Variants in ZDHHC24 observed in about 807,000 individuals in gnomAD.
The protein encoded by ZDHHC24 is probable palmitoyltransferase ZDHHC24.
ZDHHC24 carries 17 observed loss-of-function variants against 23.2 expected under a neutral mutation model. The observed-to-expected ratio is 0.73, with a 90% confidence interval of 0.50 to 1.10. ZDHHC24 has a LOEUF of 1.10. Ranked by LOEUF, ZDHHC24 falls within the 50% of genes least tolerant of loss-of-function variation. ZDHHC24 has a pLI of 0.00. For synonymous variants in ZDHHC24, 186 were observed against 194.5 expected (o/e 0.96, Z 0.36); for missense variants, 366 against 393.0 (o/e 0.93, Z 0.58).
intron 4 of ZDHHC24, chr11:66,521,743 TA>T: frequency 3.2e-6 from 1 of 314,678 alleles, no homozygotes; most frequent in South Asian, 2.9e-5. Flanking sequence ...CCGTCTCTAC[TA>T]AAAATACAAA....
rs1292046229 is a variant in ZDHHC24 at position 66,539,673 on chromosome 11, A to G, written c.711T>C (p.Tyr237=). Residue 237 remains tyrosine (Y), a synonymous_variant, in exon 3 of 3, where the codon TAT becomes TAC. Transcript: ENST00000310442. ...TWEWARGQHS[Y]DLGPCHNLQA... ...GCAGGTTGTGGCAGGGACCCAGGTC[A>G]TAGGAGTGCTGGCCCCGAGCCCACT... The G allele has an allele frequency of 2.1e-5, 34 of 1,611,160 alleles. No homozygotes were observed. The Admixed American group carries it at 4.5e-4, about 21-fold the overall frequency.
chr11:66,543,860 T>A lies in ZDHHC24; in HGVS notation c.403A>T (p.Asn135Tyr). Reference protein sequence around the residue: ...RLLGRCVGFGNYRPFLCLLLH... With the variant: ...RLLGRCVGFGYYRPFLCLLLH... ...AGCAGGCACAGGAAGGGCCGGTAGTTGCCGAAGCCCACGCAGCGGCCCAGC... is the reference window on the plus strand; with the variant it reads ...AGCAGGCACAGGAAGGGCCGGTAGTAGCCGAAGCCCACGCAGCGGCCCAGC... The change falls in exon 2 of 3, where the codon AAC becomes TAC. Residue 135 changes from asparagine (N) to tyrosine (Y), a missense_variant. Physicochemically the swap from Asn to Tyr is moderately radical, Grantham distance 143. Coordinates refer to ENST00000310442, the MANE Select transcript of ZDHHC24 (RefSeq NM_207340.3). 1.9e-6 allele frequency: 3 copies of A among 1,613,846 alleles called. No individual in the cohort carries two copies. Among genetic ancestry groups the A allele is most frequent in the Middle Eastern group, 1.7e-4 (1 of 6,060 alleles).
At chr11:66,531,139 A>G (rs546886266), downstream of ZDHHC24, 1 of 1,462,846 alleles carries the variant, frequency 6.8e-7, no homozygotes, top group Non-Finnish European at 9.3e-7. Context: ...GGTGGCTGCC[A>G]GGTGGCCAGC....
chr11:66,532,168 C>A, downstream of ZDHHC24: 1 of 956,816 alleles, frequency 1.0e-6, no homozygotes, highest in Non-Finnish European at 1.6e-6. Flanking sequence ...TAAGCACCCG[C>A]TTCCTCACCA....
Position 66,539,652 on chromosome 11 carries a change from G to T in ZDHHC24, c.732C>A (p.Asn244Lys), listed in dbSNP as rs1857088452. 2.5e-6 allele frequency: 4 copies of T among 1,612,298 alleles called. No individual in the cohort carries two copies. Among genetic ancestry groups the T allele is most frequent in the African/African-American group, 1.3e-5 (1 of 74,938 alleles). ...QHSYDLGPCH[N>K]LQAALGPRWA... ...AGCGGGGCCCCAGGGCTGCCTGCAGGTTGTGGCAGGGACCCAGGTCATAGG... is the reference window on the plus strand; with the variant it reads ...AGCGGGGCCCCAGGGCTGCCTGCAGTTTGTGGCAGGGACCCAGGTCATAGG... Residue 244 changes from asparagine to lysine, a missense_variant, in exon 3 of 3, where the codon AAC (asparagine) becomes AAA (lysine). By Grantham distance (94) the Asn-to-Lys change is moderately conservative (BLOSUM62 0). Transcript: ENST00000310442.
At chr11:66,532,513 A>C (rs1310229502), downstream of ZDHHC24, 2 of 164,906 alleles carry the variant, frequency 1.2e-5, no homozygotes, top group African/African-American at 4.8e-5. Context: ...GGAGTTCCGG[A>C]GGCTGGGCTG....
At chr11:66,531,339 A>G (rs1336919725), downstream of ZDHHC24, among the ~76,000 whole-genome samples, 1 of 152,154 alleles carries the variant, frequency 6.6e-6, no homozygotes, top group East Asian at 1.9e-4. Flanking sequence ...GGGACCCCAG[A>G]GTGTGAAGGG....
At chr11:66,531,162 C>T (rs146349114), downstream of ZDHHC24, 2,095 of 1,255,180 alleles carry the variant, frequency 1.7e-3, 10 homozygotes, top group Non-Finnish European at 1.7e-3. Context: ...ACCTACTCTC[C>T]CACCACAGAC....
At chr11:66,541,569 G>A (rs116966964) in intron 2 of ZDHHC24, among the ~76,000 whole-genome samples, 2,544 of 152,172 alleles carry the variant, frequency 0.017, 61 homozygotes, top group Non-Finnish European at 0.021. Flanking sequence ...GACTGTGGGC[G>A]CAGCTAGACC....
At position 66,537,723 on chromosome 11, in the gene ZDHHC24, TC is replaced by T. The variant is rs1857017198; in HGVS notation, c.*1805del. ...GCAGGTGGATCACAAGGTCAGGAGA[TC>T]GAGACCATCCTGGCTAACACGGTGA... is the stretch of plus-strand genomic sequence containing the variant. On this transcript the variant is annotated 3_prime_UTR_variant, in exon 3 of 3. Transcript: ENST00000310442. 1 of 144,718 alleles carries T rather than the reference TC, an allele frequency of 6.9e-6. No individual in the cohort carries two copies. Among genetic ancestry groups the T allele is most frequent in the Non-Finnish European group, 1.6e-5 (1 of 63,150 alleles). 9.0% of individuals were successfully genotyped at this position (144,718 alleles called of 1,614,324 possible).
chr11:66,544,375 G>T (rs1258897067), intron 1 of ZDHHC24, among the ~76,000 whole-genome samples: 1 of 152,054 alleles, frequency 6.6e-6, no homozygotes, highest in Non-Finnish European at 1.5e-5. Context: ...CAACCAAACT[G>T]ACCCTCCTCT....
rs755211995 is a variant in ZDHHC24 at position 66,543,961 on chromosome 11, C to T, written c.302G>A (p.Ser101Asn). ...QGWAYCYQCQSQVPPRSGHCS... is the reference protein window; with the variant it reads ...QGWAYCYQCQNQVPPRSGHCS... ...GTGTCCGCTGCGTGGCGGCACCTGG[C>T]TTTGGCATTGGTAGCAGTAACTGCA... The change falls in exon 2 of 3, where the codon AGC becomes AAC. Residue 101 changes from serine (S) to asparagine (N), a missense_variant. Physicochemically the swap from Ser to Asn is conservative, Grantham distance 46. Transcript: ENST00000310442. The T allele has an allele frequency of 2.5e-6, 4 of 1,613,434 alleles. No individual in the cohort carries two copies. The highest frequency in any genetic ancestry group is 3.4e-6 in the Non-Finnish European group (4 of 1,179,684).
intron 4 of ZDHHC24, chr11:66,526,569 C>A (rs1200157793): frequency 1.7e-5 from 27 of 1,580,302 alleles, no homozygotes; most frequent in Non-Finnish European, 2.3e-5. Flanking sequence ...CTATAGGAGG[C>A]AGATTGTTTG....
At chr11:66,522,597 C>T (rs1031567190) in intron 4 of ZDHHC24, among the ~76,000 whole-genome samples, 25 of 152,130 alleles carry the variant, frequency 1.6e-4, no homozygotes, top group Non-Finnish European at 2.9e-4. Context: ...CCACCCTTCT[C>T]GGCCTCCCAA....
intron 4 of ZDHHC24, chr11:66,526,867 C>T: frequency 6.2e-7 from 1 of 1,613,938 alleles, no homozygotes; most frequent in Non-Finnish European, 8.5e-7. Context: ...CACAGCAAAG[C>T]TGGGGGAATG....
At chr11:66,520,999 G>T, downstream of ZDHHC24, 1 of 473,314 alleles carries the variant, frequency 2.1e-6, no homozygotes, top group Non-Finnish European at 3.9e-6. Context: ...GATTACAGGT[G>T]TGGGCCACCA....
At chr11:66,521,539 C>A in intron 4 of ZDHHC24, 1 of 685,766 alleles carries the variant, frequency 1.5e-6, no homozygotes. Context: ...GGGAGGATAC[C>A]TGGAGGCTTG....
chr11:66,531,819 C>T (rs775322610), downstream of ZDHHC24: 2 of 1,612,678 alleles, frequency 1.2e-6, no homozygotes, highest in Non-Finnish European at 1.7e-6. Flanking sequence ...CCAACAAAGA[C>T]CTTAGGGGGC....
downstream of ZDHHC24, chr11:66,531,786 G>C: frequency 6.2e-7 from 1 of 1,613,896 alleles, no homozygotes; most frequent in South Asian, 1.1e-5. Context: ...GCAGGACCCT[G>C]GGGAGGACAG....
Sources: gnomAD v4.1 joint callset for allele counts (sites outside exome capture counted in the v4.1 genomes callset) on GRCh38, gnomAD v4.1.1 for gene constraint, MANE v1.5 for transcripts, NCBI Gene and HGNC (gene_info 2026-07-23, HGNC 2026-07-21) for gene names.